The following PCGF5 variants were observed in gnomAD, a reference collection of about 807,000 sequenced individuals.
PCGF5 encodes polycomb group RING finger protein 5.
In PCGF5, 9 loss-of-function variants were observed where a neutral mutation model predicts 44.3. The ratio of observed to expected loss-of-function variants is 0.20; its 90% confidence interval spans 0.12 to 0.35. PCGF5 has a LOEUF of 0.35. PCGF5 is among the 10% of genes least tolerant of loss of function. PCGF5 has a pLI of 1.00. For missense variants in PCGF5, 146 were observed against 305.3 expected, an observed-to-expected ratio of 0.48 and a Z score of 3.89; for synonymous variants, 95 against 102.5, an observed-to-expected ratio of 0.93 and a Z score of 0.44.
intron 1 of PCGF5, among the ~76,000 whole-genome samples, chr10:91,198,831 G>T (rs530432078): frequency 1.1e-4 from 17 of 152,204 alleles, no homozygotes; most frequent in Non-Finnish European, 1.9e-4. Context: ...TTCTTCAGAT[G>T]GGTTATTTCT....
At chr10:91,196,924 C>T (rs1844144435) in intron 1 of PCGF5, among the ~76,000 whole-genome samples, 2 of 152,150 alleles carry the variant, frequency 1.3e-5, no homozygotes, top group South Asian at 4.1e-4. Context: ...ATAATCCCCA[C>T]CTCAAGTCTC....
intron 1 of PCGF5, among the ~76,000 whole-genome samples, chr10:91,199,257 G>A (rs1844200931): frequency 2.0e-5 from 3 of 152,194 alleles, no homozygotes; most frequent in South Asian, 2.1e-4. Flanking sequence ...TGACTCCCAG[G>A]TGTAGTTTTG....
chr10:91,229,088 A>G (rs1236625354), intron 2 of PCGF5, among the ~76,000 whole-genome samples: 1 of 152,246 alleles, frequency 6.6e-6, no homozygotes, highest in Non-Finnish European at 1.5e-5. Flanking sequence ...AATGTTTGTT[A>G]TATGAGGCAT....
Position 91,280,499 on chromosome 10 carries a change from T to C in PCGF5, c.*2183T>C, listed in dbSNP as rs545838971. On this transcript the variant is annotated 3_prime_UTR_variant, in exon 10 of 10. Coordinates refer to ENST00000336126, the MANE Select transcript of PCGF5 (RefSeq NM_032373.5). ...AATAGTTTTATATAGAATTCTTTTA[T>C]TTACTGATAATGCATTAACATTTTT... is the stretch of plus-strand genomic sequence containing the variant. The C allele has an allele frequency of 1.3e-5, 2 of 152,626 alleles. No homozygotes were observed. Among genetic ancestry groups the C allele is most frequent in the African/African-American group, 4.8e-5 (2 of 41,578 alleles). The allele number at this position is 152,626 out of a possible 1,614,324, so 9.5% of individuals were successfully genotyped here.
intron 3 of PCGF5, among the ~76,000 whole-genome samples, chr10:91,244,799 T>C (rs1845417551): frequency 6.6e-6 from 1 of 152,174 alleles, no homozygotes; most frequent in Non-Finnish European, 1.5e-5. Flanking sequence ...TTAAGATTTC[T>C]GACCTGAGCA....
chr10:91,181,772 A>G (rs1366980454), intron 1 of PCGF5, among the ~76,000 whole-genome samples: 1 of 152,108 alleles, frequency 6.6e-6, no homozygotes, highest in Non-Finnish European at 1.5e-5. Context: ...TGGTTTGCCA[A>G]TATTTTGTTG....
At chr10:91,214,722 T>C (rs948697743) in intron 1 of PCGF5, among the ~76,000 whole-genome samples, 1 of 152,072 alleles carries the variant, frequency 6.6e-6, no homozygotes, top group East Asian at 1.9e-4. Context: ...GAACTGCAGA[T>C]AAAATATGAT....
chr10:91,248,200 A>G (rs1219433791), intron 3 of PCGF5, among the ~76,000 whole-genome samples: 1 of 152,082 alleles, frequency 6.6e-6, no homozygotes, highest in Non-Finnish European at 1.5e-5. Flanking sequence ...ACAAGTTTTA[A>G]AGCCAGACCG....
intron 2 of PCGF5, chr10:91,227,692 A>G: frequency 9.5e-7 from 1 of 1,049,112 alleles, no homozygotes; most frequent in Non-Finnish European, 1.2e-6. Flanking sequence ...AATTTCCTAA[A>G]GGTATCCCGT....
chr10:91,171,796 T>C (rs1267097508), intron 1 of PCGF5, among the ~76,000 whole-genome samples: 2 of 152,004 alleles, frequency 1.3e-5, no homozygotes, highest in Non-Finnish European at 2.9e-5. Flanking sequence ...AAATTCAAAG[T>C]GTGGCTGAGC....
rs573753035 is a variant in PCGF5, at chr10:91,240,307, T to A, written c.113-177T>A. Reference sequence around the variant, plus strand: ...TGCTTTTTGTTTGTGGCAGTAGACTTTTATTGCAGTTGGGTGTTATTACAG... The same window carrying A: ...TGCTTTTTGTTTGTGGCAGTAGACTATTATTGCAGTTGGGTGTTATTACAG... On this transcript the variant is annotated intron_variant, in intron 2 of 9. Transcript: ENST00000336126. Among the ~76,000 whole-genome samples, 4 of 152,292 alleles carry A rather than the reference T, an allele frequency of 2.6e-5. No individual in the cohort carries two copies. In the South Asian group the frequency reaches 8.3e-4, roughly 32 times the overall value.
At chr10:91,175,233 T>C (rs765450122) in intron 1 of PCGF5, among the ~76,000 whole-genome samples, 1 of 152,056 alleles carries the variant, frequency 6.6e-6, no homozygotes, top group Non-Finnish European at 1.5e-5. Context: ...TAAAGTAAAA[T>C]AGAGGTTCTG....
At chr10:91,207,554 A>T (rs1357036800) in intron 1 of PCGF5, among the ~76,000 whole-genome samples, 1 of 152,214 alleles carries the variant, frequency 6.6e-6, no homozygotes, top group Non-Finnish European at 1.5e-5. Context: ...TATTCAGGAA[A>T]TATGGCATTG....
At chr10:91,233,900 T>C (rs1252020503) in intron 2 of PCGF5, among the ~76,000 whole-genome samples, 1 of 152,208 alleles carries the variant, frequency 6.6e-6, no homozygotes, top group Non-Finnish European at 1.5e-5. Flanking sequence ...GAAGTCAGCC[T>C]TTGGTCAGTT....
chr10:91,211,991 T>C (rs1326911554), intron 1 of PCGF5, among the ~76,000 whole-genome samples: 1 of 152,226 alleles, frequency 6.6e-6, no homozygotes, highest in Admixed American at 6.5e-5. Flanking sequence ...AGCGGTGTGA[T>C]ACTGGTTGTT....
intron 1 of PCGF5, among the ~76,000 whole-genome samples, chr10:91,178,494 A>G (rs995957852): frequency 2.0e-5 from 3 of 151,724 alleles, no homozygotes; most frequent in South Asian, 4.2e-4. Flanking sequence ...GGCTCAAGCA[A>G]TACCCCCATC....
chr10:91,273,166 G>A (rs1018450627), intron 9 of PCGF5, among the ~76,000 whole-genome samples: 1 of 152,180 alleles, frequency 6.6e-6, no homozygotes, highest in Non-Finnish European at 1.5e-5. Context: ...AAGTCTGAGG[G>A]AGAAAGATCA....
intron 1 of PCGF5, among the ~76,000 whole-genome samples, chr10:91,167,667 C>A (rs10736060): frequency 0.75 from 113,414 of 152,108 alleles, 43,441 homozygotes; most frequent in African/African-American, 0.93. Flanking sequence ...CTATATTGTG[C>A]AGCATCTTGA....
upstream of PCGF5, among the ~76,000 whole-genome samples, chr10:91,161,509 A>G (rs2133145929): frequency 6.6e-6 from 1 of 152,374 alleles, no homozygotes; most frequent in South Asian, 2.1e-4. Flanking sequence ...AATTAGCTGT[A>G]AAATGACTGG....
Sources: gnomAD v4.1 joint callset for allele counts (sites outside exome capture counted in the v4.1 genomes callset) on GRCh38, gnomAD v4.1.1 for gene constraint, MANE v1.5 for transcripts, NCBI Gene and HGNC (gene_info 2026-07-23, HGNC 2026-07-21) for gene names.